The following AGBL4 variants were observed in gnomAD, a reference collection of about 807,000 sequenced individuals.
AGBL4 encodes AGBL carboxypeptidase 4.
A neutral mutation model predicts 66.4 loss-of-function variants in AGBL4; 58 were observed. The observed-to-expected ratio is 0.87, with a 90% CI of 0.71 to 1.09. The LOEUF is 1.09. Among genes scored for constraint, AGBL4 ranks in the 50% least tolerant of loss-of-function variants. AGBL4 has a pLI of 0.00. For missense variants in AGBL4, 579 were observed against 631.0 expected (o/e 0.92, Z 0.88); for synonymous variants, 234 against 222.9 (o/e 1.05, Z -0.44).
At chr1:49,283,625 A>C (rs1644333284) in intron 3 of AGBL4, among the ~76,000 whole-genome samples, 1 of 152,012 alleles carries the variant, frequency 6.6e-6, no homozygotes, top group South Asian at 2.1e-4. Context: ...CTTTGAAAAA[A>C]ATTTAGAAGA....
chr1:48,570,728 G>A (rs1330347740), intron 11 of AGBL4, among the ~76,000 whole-genome samples: 1 of 152,134 alleles, frequency 6.6e-6, no homozygotes, highest in African/African-American at 2.4e-5. Flanking sequence ...TAAATGTTGT[G>A]CATTCCCAGA....
intron 1 of AGBL4, among the ~76,000 whole-genome samples, chr1:49,882,243 C>T (rs893388505): frequency 2.7e-5 from 4 of 149,738 alleles, no homozygotes; most frequent in Admixed American, 6.7e-5. Context: ...TTCCATTGAT[C>T]TATATCTCTG....
At chr1:48,926,417 T>A (rs2148897781) in intron 5 of AGBL4, among the ~76,000 whole-genome samples, 1 of 151,890 alleles carries the variant, frequency 6.6e-6, no homozygotes, top group South Asian at 2.1e-4. Context: ...GTAGCTGGGA[T>A]TACAGGCGTG....
rs561078098 is a variant in AGBL4, at chr1:49,937,725, T to C, written c.34+86038A>G. Among the ~76,000 whole-genome samples the C allele has an allele frequency of 2.6e-5, 4 of 152,256 alleles. No homozygotes were observed. The East Asian group carries it at 7.7e-4, about 29-fold the overall frequency. Reference sequence around the variant, plus strand: ...TCAACTACGTAGAAACTGAACAACCTGCTCCTGAATGACTACTGGGTACAT... The same window carrying C: ...TCAACTACGTAGAAACTGAACAACCCGCTCCTGAATGACTACTGGGTACAT... On this transcript the variant is annotated intron_variant, in intron 1 of 13. Transcript: ENST00000371839.
At chr1:48,634,426 A>G (rs199501162) in intron 9 of AGBL4, 67 bp downstream of exon 9, 49 of 1,359,900 alleles carry the variant, frequency 3.6e-5, no homozygotes, top group Non-Finnish European at 4.9e-5. Context: ...GACTTTCCCA[A>G]TACAATGCTG....
chr1:49,203,844 A>C (rs958907604), intron 4 of AGBL4, among the ~76,000 whole-genome samples: 1 of 152,196 alleles, frequency 6.6e-6, no homozygotes, highest in Non-Finnish European at 1.5e-5. Flanking sequence ...CAAGATAGAA[A>C]AGTGTTAGAG....
intron 5 of AGBL4, among the ~76,000 whole-genome samples, chr1:49,023,273 TG>T (rs1169987722): frequency 6.6e-6 from 1 of 152,142 alleles, no homozygotes; most frequent in Admixed American, 6.6e-5. Flanking sequence ...AAGCCAAGAC[TG>T]TGTCAAGGTT....
At chr1:48,854,501 A>T (rs1647102042) in intron 6 of AGBL4, among the ~76,000 whole-genome samples, 1 of 152,228 alleles carries the variant, frequency 6.6e-6, no homozygotes, top group Non-Finnish European at 1.5e-5. Flanking sequence ...AGTGAAGCAG[A>T]ACAGATCCAT....
At chr1:49,207,102 T>C (rs1359865155) in intron 4 of AGBL4, among the ~76,000 whole-genome samples, 2 of 152,080 alleles carry the variant, frequency 1.3e-5, no homozygotes, top group African/African-American at 2.4e-5. Flanking sequence ...TTAGGGCAAA[T>C]AGCTTTTTTA....
chr1:49,432,736 C>A (rs1342527149), intron 3 of AGBL4, among the ~76,000 whole-genome samples: 1 of 152,142 alleles, frequency 6.6e-6, no homozygotes, highest in Non-Finnish European at 1.5e-5. Flanking sequence ...TGAATTTGTT[C>A]TTTCTCCCTG....
At chr1:49,694,147 GT>G in intron 3 of AGBL4, among the ~76,000 whole-genome samples, 1 of 152,020 alleles carries the variant, frequency 6.6e-6, no homozygotes, top group South Asian at 2.1e-4. Flanking sequence ...ATACATACAT[GT>G]TTTTTTGCCT....
intron 2 of AGBL4, among the ~76,000 whole-genome samples, chr1:49,703,612 GCAC>G (rs1290379569): frequency 1.3e-5 from 2 of 151,308 alleles, no homozygotes; most frequent in Non-Finnish European, 2.9e-5. Flanking sequence ...CAAAAATGTA[GCAC>G]TAATATCATA....
intron 6 of AGBL4, among the ~76,000 whole-genome samples, chr1:48,794,211 AT>A (rs1645615895): frequency 6.6e-6 from 1 of 152,200 alleles, no homozygotes; most frequent in Non-Finnish European, 1.5e-5. Context: ...CTCCCTGCTC[AT>A]TTGTTTCAGA....
intron 3 of AGBL4, among the ~76,000 whole-genome samples, chr1:49,462,877 G>A (rs146099636): frequency 1.3e-5 from 2 of 151,648 alleles, no homozygotes; most frequent in African/African-American, 2.4e-5. Flanking sequence ...TATTTCGGAG[G>A]TTTATGGCAA....
intron 3 of AGBL4, among the ~76,000 whole-genome samples, chr1:49,626,259 C>T (rs1645460838): frequency 6.6e-6 from 1 of 152,152 alleles, no homozygotes; most frequent in African/African-American, 2.4e-5. Context: ...TACAGTGCTC[C>T]TGAAGCTAGC....
Position 49,561,889 on chromosome 1 carries a change from T to G in AGBL4, c.282+135424A>C, listed in dbSNP as rs1178383514. On this transcript the variant is annotated intron_variant, in intron 3 of 13. Coordinates refer to ENST00000371839, the MANE Select transcript of AGBL4 (RefSeq NM_032785.4). ...ATCCCTGAGGAATTGCCACACTGAC[T>G]TCCACAATGGTTGAACTAGTTTACA... Among the ~76,000 whole-genome samples the G allele has an allele frequency of 5.3e-5, 8 of 152,216 alleles. No individual in the cohort carries two copies. In the East Asian group the frequency reaches 1.2e-3, roughly 22 times the overall value.
chr1:49,165,150 T>C (rs987846436), intron 4 of AGBL4, among the ~76,000 whole-genome samples: 3 of 152,092 alleles, frequency 2.0e-5, no homozygotes, highest in African/African-American at 7.2e-5. Context: ...GTGAGGAAGA[T>C]ATATGATACT....
rs533259747 is a variant in AGBL4, at chr1:49,603,481, C to T, written c.282+93832G>A. On this transcript the variant is annotated intron_variant, in intron 3 of 13. Coordinates refer to ENST00000371839, the MANE Select transcript of AGBL4 (RefSeq NM_032785.4). Reference sequence around the variant, plus strand: ...CAGAGCTTGCAGTGAGCAGAGATCGCACCACTGCACTCCAGCCTGGGCGAC... The same window carrying T: ...CAGAGCTTGCAGTGAGCAGAGATCGTACCACTGCACTCCAGCCTGGGCGAC... Among the ~76,000 whole-genome samples, 7 of 151,294 alleles carry T rather than the reference C, an allele frequency of 4.6e-5. No homozygotes were observed. In the South Asian group the frequency reaches 1.5e-3, roughly 32 times the overall value.
chr1:49,234,921 T>C (rs1650600825), intron 4 of AGBL4, among the ~76,000 whole-genome samples: 1 of 152,188 alleles, frequency 6.6e-6, no homozygotes, highest in Admixed American at 6.5e-5. Context: ...TGAGCCCTGG[T>C]TTCTTCACCT....
Sources: gnomAD v4.1 joint callset for allele counts (sites outside exome capture counted in the v4.1 genomes callset) on GRCh38, gnomAD v4.1.1 for gene constraint, MANE v1.5 for transcripts, NCBI Gene and HGNC (gene_info 2026-07-23, HGNC 2026-07-21) for gene names.